RBFOX1: variants seen among roughly 807,000 people sequenced by gnomAD.
RBFOX1 encodes the protein RNA binding fox-1 homolog 1, also known as RNA binding protein fox-1 homolog 1.
In RBFOX1, 8 loss-of-function variants were observed where a neutral mutation model predicts 57.7. That is an observed-to-expected ratio of 0.14 (90% CI 0.08 to 0.25). The LOEUF is 0.25. Among genes scored for constraint, RBFOX1 ranks in the 10% least tolerant of loss-of-function variants. The pLI is 1.00. For missense variants in RBFOX1, 611 were observed against 548.5 expected (o/e 1.11, Z -1.14); for synonymous variants, 326 against 222.4 (o/e 1.47, Z -4.15).
At chr16:6,920,235 A>G (rs1369228742) in intron 3 of RBFOX1, among the ~76,000 whole-genome samples, 1 of 137,550 alleles carries the variant, frequency 7.3e-6, no homozygotes, top group East Asian at 2.2e-4. Context: ...TGCTGCTATA[A>G]ACATGGGTAT....
In RBFOX1 at chr16:6,316,911, C is replaced by T. The variant is rs999648279; in HGVS notation, c.-126-84C>T. Reference sequence around the variant, plus strand: ...TCAGAACCTATTTTGAAGGTTGGTCCATATTACTATGACAAAAAAAGTGCG... The same window carrying T: ...TCAGAACCTATTTTGAAGGTTGGTCTATATTACTATGACAAAAAAAGTGCG... On this transcript the variant is annotated intron_variant, in intron 1 of 15. Transcript: ENST00000550418. The T allele has an allele frequency of 1.8e-5, 20 of 1,096,200 alleles. 1 individual carries two copies. Among genetic ancestry groups the T allele is most frequent in the South Asian group, 1.6e-4 (11 of 69,734 alleles). The allele number at this position is 1,096,200 out of a possible 1,614,324, so 67.9% of individuals were successfully genotyped here.
At chr16:7,642,351 C>G (rs1279472909) in intron 11 of RBFOX1, among the ~76,000 whole-genome samples, 7 of 152,132 alleles carry the variant, frequency 4.6e-5, no homozygotes, top group Non-Finnish European at 1.0e-4. Flanking sequence ...TGCTCAAAAT[C>G]AGATGGCCTC....
chr16:6,419,489 A>G (rs1390563517), intron 2 of RBFOX1, among the ~76,000 whole-genome samples: 1 of 152,246 alleles, frequency 6.6e-6, no homozygotes, highest in African/African-American at 2.4e-5. Context: ...AATGAAGACA[A>G]TAAGCAAAAG....
chr16:6,754,471 A>G (rs1403979258), intron 3 of RBFOX1, among the ~76,000 whole-genome samples: 1 of 152,146 alleles, frequency 6.6e-6, no homozygotes, highest in African/African-American at 2.4e-5. Flanking sequence ...TTCTTCCACA[A>G]TTTCAGCTCC....
chr16:6,450,878 C>G (rs1344780967), intron 2 of RBFOX1, among the ~76,000 whole-genome samples: 1 of 72,214 alleles, frequency 1.4e-5, no homozygotes, highest in Non-Finnish European at 2.7e-5. Context: ...TATATATCTC[C>G]TCTGAAATAT....
At position 5,510,422 on chromosome 16, in the gene RBFOX1, G is replaced by A. The variant is rs149463951; in HGVS notation, c.258+43168G>A. On this transcript the variant is annotated intron_variant, in intron 2 of 2. Transcript: ENST00000585867. The stretch of plus-strand genomic sequence containing the variant: ...GAGATAGGCAGGGCCTATGGATCTC[G>A]TGGAGTTGGCACTGGTGGAGCAGAA... Among the ~76,000 whole-genome samples the A allele has an allele frequency of 3.5e-4, 53 of 152,294 alleles. No homozygotes were observed. In the East Asian group the frequency reaches 6.2e-3, roughly 18 times the overall value.
At chr16:6,346,580 A>G (rs1473549652) in intron 2 of RBFOX1, among the ~76,000 whole-genome samples, 4 of 152,208 alleles carry the variant, frequency 2.6e-5, no homozygotes, top group Non-Finnish European at 5.9e-5. Flanking sequence ...GCCTGTGTTG[A>G]GGAGTGGAGC....
At chr16:5,892,711 C>T (rs935291460) in intron 4 of RBFOX1, among the ~76,000 whole-genome samples, 2 of 152,200 alleles carry the variant, frequency 1.3e-5, no homozygotes, top group Non-Finnish European at 2.9e-5. Flanking sequence ...TCAAGATATG[C>T]AGCACTCTCA....
intron 3 of RBFOX1, among the ~76,000 whole-genome samples, chr16:6,985,845 A>AAAAAAAG (rs1039264436): frequency 4.1e-5 from 5 of 122,206 alleles, no homozygotes; most frequent in African/African-American, 1.3e-4. Flanking sequence ...AAAAAAAAAA[A>AAAAAAAG]AACAGAATTT....
intron 4 of RBFOX1, among the ~76,000 whole-genome samples, chr16:7,273,204 C>CCTTCCTTCCCT (rs2095367580): frequency 8.5e-5 from 3 of 35,144 alleles, no homozygotes; most frequent in Non-Finnish European, 1.5e-4. Flanking sequence ...CTTCCTCCCT[C>CCTTCCTTCCCT]CCTTCCTTCC....
intron 2 of RBFOX1, among the ~76,000 whole-genome samples, chr16:6,474,328 T>C (rs943337108): frequency 4.6e-5 from 7 of 152,300 alleles, no homozygotes; most frequent in African/African-American, 1.4e-4. Context: ...TCATATCCCG[T>C]GGTCCAAAGC....
At chr16:7,149,084 C>A (rs112079536) in intron 4 of RBFOX1, among the ~76,000 whole-genome samples, 1 of 152,176 alleles carries the variant, frequency 6.6e-6, no homozygotes, top group Non-Finnish European at 1.5e-5. Context: ...TTTCCTTTCT[C>A]ACAGTGGGAG....
At chr16:7,351,280 G>A (rs953680489) in intron 4 of RBFOX1, among the ~76,000 whole-genome samples, 1 of 152,206 alleles carries the variant, frequency 6.6e-6, no homozygotes, top group East Asian at 1.9e-4. Flanking sequence ...AAAATAGAGG[G>A]AAACTTTTCT....
chr16:5,785,487 A>T (rs1005125729), intron 3 of RBFOX1, among the ~76,000 whole-genome samples: 1 of 151,796 alleles, frequency 6.6e-6, no homozygotes, highest in Admixed American at 6.6e-5. Flanking sequence ...GGGTCTCTGC[A>T]TGGTGTCTTC....
chr16:7,211,557 A>G (rs2152789153), intron 4 of RBFOX1, among the ~76,000 whole-genome samples: 1 of 152,300 alleles, frequency 6.6e-6, no homozygotes, highest in Admixed American at 6.5e-5. Flanking sequence ...AAAGCAAACA[A>G]ACAAAAAAGG....
intron 3 of RBFOX1, among the ~76,000 whole-genome samples, chr16:6,901,122 C>T (rs976277125): frequency 2.0e-5 from 3 of 152,134 alleles, no homozygotes; most frequent in African/African-American, 7.2e-5. Context: ...TATCGACAGG[C>T]TTTGTGTTTC....
intron 2 of RBFOX1, among the ~76,000 whole-genome samples, chr16:5,477,459 T>C (rs1404560951): frequency 1.1e-4 from 16 of 152,202 alleles, no homozygotes; most frequent in Non-Finnish European, 2.9e-5. Flanking sequence ...CTGCCTTTCC[T>C]ACCAGGTGGC....
rs192240658 is a variant in RBFOX1, at chr16:6,868,816, C to T, written c.-15-183241C>T. 1.7e-4 allele frequency among the ~76,000 whole-genome samples: 26 copies of T among 152,224 alleles called. 1 individual carries two copies. In the East Asian group the frequency reaches 2.5e-3, roughly 15 times the overall value. ...AATAAGGTTGCATCTTTTTGCTCCT[C>T]GAAAGATGGGCTTTGCCATATGACT... is the stretch of plus-strand genomic sequence containing the variant. On this transcript the variant is annotated intron_variant, in intron 3 of 15. Coordinates refer to ENST00000550418, the MANE Select transcript of RBFOX1 (RefSeq NM_018723.4).
At position 7,419,776 on chromosome 16, in the gene RBFOX1, A is replaced by C. The variant is rs569907462; in HGVS notation, c.28-98371A>C. ...TCCGTGGCACCTCCTATCTGGTTGTAATTAACACATCGCACACTGAAGAAA... is the reference window on the plus strand; with the variant it reads ...TCCGTGGCACCTCCTATCTGGTTGTCATTAACACATCGCACACTGAAGAAA... On this transcript the variant is annotated intron_variant, in intron 4 of 15. Transcript: ENST00000550418. 2.4e-3 allele frequency among the ~76,000 whole-genome samples: 363 copies of C among 152,288 alleles called. 1 individual carries two copies. The highest frequency in any genetic ancestry group is 8.4e-3 in the African/African-American group (349 of 41,552).
Sources: gnomAD v4.1 joint callset for allele counts (sites outside exome capture counted in the v4.1 genomes callset) on GRCh38, gnomAD v4.1.1 for gene constraint, MANE v1.5 for transcripts, NCBI Gene and HGNC (gene_info 2026-07-23, HGNC 2026-07-21) for gene names.